The following CCDC77 variants were observed in gnomAD, a reference collection of about 807,000 sequenced individuals.
The protein encoded by CCDC77 is coiled-coil domain-containing protein 77.
CCDC77 carries 56 observed loss-of-function variants against 66.8 expected under a neutral mutation model. The observed-to-expected ratio is 0.84, with a 90% CI of 0.68 to 1.05. CCDC77 has a LOEUF of 1.05. Among genes scored for constraint, CCDC77 ranks in the 50% least tolerant of loss-of-function variants. The probability of loss-of-function intolerance (pLI) is 0.00; values close to 1 mark genes in which losing one functional copy is unlikely to be tolerated. For missense variants in CCDC77, 570 were observed against 576.8 expected (o/e 0.99, Z 0.12); for synonymous variants, 196 against 195.2 (o/e 1.00, Z -0.03).
At chr12:423,846 C>T (rs1361304151) in intron 5 of CCDC77, among the ~76,000 whole-genome samples, 1 of 152,012 alleles carries the variant, frequency 6.6e-6, no homozygotes, top group African/African-American at 2.4e-5. Flanking sequence ...GTGAGGGAGT[C>T]TCATTGTGGT....
intron 9 of CCDC77, among the ~76,000 whole-genome samples, chr12:434,522 T>C (rs1164606734): frequency 6.6e-6 from 1 of 152,122 alleles, no homozygotes; most frequent in African/African-American, 2.4e-5. Flanking sequence ...CCAGCTAATT[T>C]TGTATATTTA....
intron 1 of CCDC77, among the ~76,000 whole-genome samples, chr12:405,032 A>G (rs1312271743): frequency 6.6e-6 from 1 of 152,082 alleles, no homozygotes; most frequent in Non-Finnish European, 1.5e-5. Flanking sequence ...GCTTCAAATT[A>G]CTCTTAAATG....
intron 4 of CCDC77, among the ~76,000 whole-genome samples, chr12:413,404 T>A (rs1174665757): frequency 6.7e-6 from 1 of 148,858 alleles, no homozygotes; most frequent in East Asian, 2.0e-4. Context: ...GCCCAGCTAA[T>A]TTTTTTGTAT....
chr12:428,467 CACCAT>C (rs1394220788), intron 5 of CCDC77, among the ~76,000 whole-genome samples: 1 of 138,078 alleles, frequency 7.2e-6, no homozygotes, highest in Non-Finnish European at 1.5e-5. Context: ...GCCAAGACCG[CACCAT>C]TGCACTCCAG....
chr12:401,384 C>T (rs1426390558), upstream of CCDC77, among the ~76,000 whole-genome samples: 1 of 152,244 alleles, frequency 6.6e-6, no homozygotes, highest in Middle Eastern at 3.2e-3. Flanking sequence ...TGACCCCAAA[C>T]GTCACACTAC....
intron 6 of CCDC77, among the ~76,000 whole-genome samples, chr12:429,671 C>G (rs1449484366): frequency 1.3e-5 from 2 of 152,052 alleles, no homozygotes; most frequent in East Asian, 3.9e-4. Flanking sequence ...GTTGCCCAGG[C>G]TGGTCTCGAA....
intron 5 of CCDC77, among the ~76,000 whole-genome samples, chr12:420,541 G>A (rs574571619): frequency 1.8e-5 from 1 of 56,486 alleles, no homozygotes; most frequent in African/African-American, 9.5e-5. Flanking sequence ...GTGCTCTTCT[G>A]TGTGTGTGTG....
chr12:440,455 T>G (rs915186207), intron 10 of CCDC77, among the ~76,000 whole-genome samples, 162 bp from the exon 11 acceptor site: 5 of 152,220 alleles, frequency 3.3e-5, no homozygotes, highest in Non-Finnish European at 7.3e-5. Flanking sequence ...GGTCTAGAAG[T>G]AGATTTTCAG....
At chr12:435,911 A>T (rs1945741079) in intron 9 of CCDC77, among the ~76,000 whole-genome samples, 1 of 151,466 alleles carries the variant, frequency 6.6e-6, no homozygotes, top group Middle Eastern at 3.4e-3. Flanking sequence ...GTTTATTTTT[A>T]TTATTTTTTG....
In CCDC77 at chr12:433,389, T is replaced by G. The variant is rs1404331721; in HGVS notation, c.821+67T>G. On this transcript the variant is annotated intron_variant, in intron 9 of 12. Coordinates refer to ENST00000239830, the MANE Select transcript of CCDC77 (RefSeq NM_032358.4). Reference sequence around the variant, plus strand: ...TTCTGAGTGACTTAAAAGTTAACATTTTGTACTTGAACAACAGCGGGTCAT... The same window carrying G: ...TTCTGAGTGACTTAAAAGTTAACATGTTGTACTTGAACAACAGCGGGTCAT... The G allele has an allele frequency of 7.0e-6, 11 of 1,580,524 alleles. No individual in the cohort carries two copies. The East Asian group carries it at 2.5e-4, about 35-fold the overall frequency.
chr12:401,410 C>G (rs1240394980), upstream of CCDC77, among the ~76,000 whole-genome samples: 1 of 152,234 alleles, frequency 6.6e-6, no homozygotes, highest in Non-Finnish European at 1.5e-5. Flanking sequence ...CCTGGAGGAG[C>G]GGGTTGCAGC....
chr12:411,512 T>C (rs1945109559), intron 3 of CCDC77, among the ~76,000 whole-genome samples: 2 of 151,448 alleles, frequency 1.3e-5, no homozygotes, highest in African/African-American at 2.4e-5. Context: ...AAGACAGGGT[T>C]TCACTATATT....
intron 4 of CCDC77, among the ~76,000 whole-genome samples, chr12:415,439 AAT>A (rs1945227215): frequency 2.8e-5 from 4 of 144,518 alleles, no homozygotes; most frequent in East Asian, 2.0e-4. Flanking sequence ...TTAACATAAT[AAT>A]ATGTTAATAT....
At chr12:400,638 C>G (rs1433615854), upstream of CCDC77, among the ~76,000 whole-genome samples, 6 of 152,114 alleles carry the variant, frequency 3.9e-5, no homozygotes, top group African/African-American at 1.4e-4. Flanking sequence ...TTAAAACATC[C>G]ACAACATTTA....
At chr12:439,802 A>G (rs1278865336) in intron 10 of CCDC77, among the ~76,000 whole-genome samples, 1 of 152,048 alleles carries the variant, frequency 6.6e-6, no homozygotes, top group Non-Finnish European at 1.5e-5. Context: ...AGAAAAAATT[A>G]TAGATTATAA....
rs1380471704 is a variant in CCDC77, at chr12:418,945, C to T, written c.413+309C>T. 5 of 271,986 alleles carry T rather than the reference C, an allele frequency of 1.8e-5. No individual in the cohort carries two copies. In the East Asian group the frequency reaches 3.9e-4, roughly 21 times the overall value. 16.8% of individuals were successfully genotyped at this position (271,986 alleles called of 1,614,324 possible). A position where few individuals can be genotyped will look rare whatever the true frequency, so the allele number is the denominator to read the frequency against. The stretch of plus-strand genomic sequence containing the variant: ...AACTCTTGGCCTCAAGTGATCCGCC[C>T]ACCTCAGCCTCCCGAAGTGTTGGGA... On this transcript the variant is annotated intron_variant, in intron 5 of 12. Coordinates refer to ENST00000239830, the MANE Select transcript of CCDC77 (RefSeq NM_032358.4).
intron 4 of CCDC77, 146 bp from the exon 5 acceptor site, chr12:418,348 A>T (rs1445669063): frequency 1.4e-6 from 1 of 705,656 alleles, no homozygotes; most frequent in African/African-American, 1.8e-5. Flanking sequence ...CAGTCTATAC[A>T]TGCCTATTGC....
In CCDC77 at chr12:413,752, C is replaced by T. The variant is rs1166561520; in HGVS notation, c.270+1774C>T. On this transcript the variant is annotated intron_variant, in intron 4 of 12. Transcript: ENST00000239830. ...AAGCAATTCTCCTGCCTCAGCCTCC[C>T]GAGTAGCTGGGATTACAGGTGCACG... Among the ~76,000 whole-genome samples, 9 of 151,432 alleles carry T rather than the reference C, an allele frequency of 5.9e-5. No homozygotes were observed. In the East Asian group the frequency reaches 9.7e-4, roughly 16 times the overall value.
chr12:425,250 T>C (rs1302994418), intron 5 of CCDC77, among the ~76,000 whole-genome samples: 1 of 143,170 alleles, frequency 7.0e-6, no homozygotes, highest in Non-Finnish European at 1.5e-5. Context: ...GGGTTTTTGG[T>C]GTCCCACGGT....
Sources: gnomAD v4.1 joint callset for allele counts (sites outside exome capture counted in the v4.1 genomes callset) on GRCh38, gnomAD v4.1.1 for gene constraint, MANE v1.5 for transcripts, NCBI Gene and HGNC (gene_info 2026-07-23, HGNC 2026-07-21) for gene names.